The following LRIT1 variants were observed in gnomAD, a reference collection of about 807,000 sequenced individuals.
LRIT1 encodes the protein leucine-rich repeat, immunoglobulin-like domain and transmembrane domain-containing protein 1.
In LRIT1, 23 loss-of-function variants were observed where a neutral mutation model predicts 24.0. That is an observed-to-expected ratio of 0.96 (90% CI 0.69 to 1.36). The LOEUF (loss-of-function observed/expected upper bound fraction) is 1.36. LRIT1 is among the 40% of genes most tolerant of loss of function. LRIT1 has a pLI of 0.00. For missense variants in LRIT1, 846 were observed against 806.3 expected (o/e 1.05, Z -0.60); for synonymous variants, 361 against 340.5 (o/e 1.06, Z -0.66).
chr10:84,234,216 C>A lies in LRIT1; in HGVS notation c.752G>T (p.Cys251Phe). ...TCCTGGATGGAGCTCTGGGCCCTGG[C>A]ACTTCCTCAGTTCAAGCTGGCTGAA... ...VAFSQLELRK[C>F]QGPELHPGVA... The change falls in exon 3 of 4, where the codon TGC becomes TTC. Residue 251 changes from cysteine (C) to phenylalanine (F), a missense_variant. Transcript: ENST00000372105. The A allele has an allele frequency of 6.2e-7, 1 of 1,614,064 alleles. No individual in the cohort carries two copies. The highest frequency in any genetic ancestry group is 8.5e-7 in the Non-Finnish European group (1 of 1,180,018).
rs1207984675 is a variant in LRIT1, at chr10:84,241,049, G to A, written c.122+269C>T. On this transcript the variant is annotated intron_variant, in intron 1 of 3. Transcript: ENST00000372105. ...AGGGCTCTTCACCAGGAGCCTGGAG[G>A]AGGACTTAGGAAGGACTTCTTAGAA... Among the ~76,000 whole-genome samples the A allele has an allele frequency of 2.0e-5, 3 of 152,142 alleles. No individual in the cohort carries two copies. In the East Asian group the frequency reaches 5.8e-4, roughly 29 times the overall value.
rs748916426 is a variant in LRIT1 at position 84,232,461 on chromosome 10, C to A, written c.1338G>T (p.Leu446Phe). The change falls in exon 4 of 4, where the codon TTG (leucine) becomes TTT (phenylalanine). Residue 446 changes from leucine to phenylalanine, a missense_variant. Physicochemically the swap from Leu to Phe is conservative, Grantham distance 22. Transcript: ENST00000372105. ...TCTTAGCCTGGGGTGCCTTCCACAC[C>A]AAGGACACGCTGTGGTAAGTGTCCC... is the stretch of plus-strand genomic sequence containing the variant. ...VVGDTYHSVS[L>F]VWKAPQAKNT... The A allele has an allele frequency of 1.2e-6, 2 of 1,614,172 alleles. No homozygotes were observed. Among genetic ancestry groups the A allele is most frequent in the South Asian group, 2.2e-5 (2 of 91,084 alleles).
chr10:84,236,267 T>G (rs1486062210), intron 2 of LRIT1, among the ~76,000 whole-genome samples: 3 of 150,348 alleles, frequency 2.0e-5, no homozygotes, highest in Non-Finnish European at 3.0e-5. Context: ...CTGGACTCCA[T>G]CCTGGGCGAC....
Position 84,232,580 on chromosome 10 carries a change from G to C in LRIT1, c.1219C>G (p.Leu407Val). 4 of 1,614,124 alleles carry C rather than the reference G, an allele frequency of 2.5e-6. No homozygotes were observed. Among genetic ancestry groups the C allele is most frequent in the Non-Finnish European group, 2.5e-6 (3 of 1,179,986 alleles). ...AGGGCATCCATCTGGAAGTGCTCAA[G>C]GGTCAGCTCCTCCTTTGTGCTGGGC... Reference protein sequence around the residue: ...SVPSTKEELTLEHFQMDALGE... With the variant: ...SVPSTKEELTVEHFQMDALGE... The change falls in exon 4 of 4, where the codon CTT (leucine) becomes GTT (valine). Residue 407 changes from leucine to valine, a missense_variant. Transcript: ENST00000372105.
At chr10:84,238,066 T>C (rs184115667) in intron 1 of LRIT1, among the ~76,000 whole-genome samples, 1 of 152,184 alleles carries the variant, frequency 6.6e-6, no homozygotes, top group Non-Finnish European at 1.5e-5. Flanking sequence ...TTAGAAGTGT[T>C]CGTTTGGCCG....
chr10:84,238,470 C>G (rs1842670106), intron 1 of LRIT1, among the ~76,000 whole-genome samples: 1 of 152,192 alleles, frequency 6.6e-6, no homozygotes, highest in Non-Finnish European at 1.5e-5. Flanking sequence ...CCTCAAGTCT[C>G]TCCCACCTCT....
At position 84,234,070 on chromosome 10, in the gene LRIT1, T is replaced by A. The variant is rs1014801483; in HGVS notation, c.895+3A>T. On this transcript the variant is annotated splice_donor_region_variant and intron_variant, in intron 3 of 3. Coordinates refer to ENST00000372105, the MANE Select transcript of LRIT1 (RefSeq NM_015613.3). ...CAGTGCAGCATCCCTGTAGCTCACA[T>A]ACCTGTACCATTAAGGGGCCTGCCA... is the stretch of plus-strand genomic sequence containing the variant. The A allele has an allele frequency of 6.5e-7, 1 of 1,527,054 alleles. No individual in the cohort carries two copies. Among genetic ancestry groups the A allele is most frequent in the Non-Finnish European group, 8.8e-7 (1 of 1,139,506 alleles). The allele number at this position is 1,527,054 out of a possible 1,614,324, so 94.6% of individuals were successfully genotyped here.
At chr10:84,238,402 A>T (rs1213332149) in intron 1 of LRIT1, among the ~76,000 whole-genome samples, 1 of 152,074 alleles carries the variant, frequency 6.6e-6, no homozygotes, top group Non-Finnish European at 1.5e-5. Flanking sequence ...CAATTTTTGT[A>T]ACTGTTTTGG....
rs774320932 is a variant in LRIT1 at position 84,232,384 on chromosome 10, C to T, written c.1415G>A (p.Arg472Gln). 82 of 1,613,852 alleles carry T rather than the reference C, an allele frequency of 5.1e-5. No individual in the cohort carries two copies. Among genetic ancestry groups the T allele is most frequent in the Non-Finnish European group, 6.4e-5 (76 of 1,179,966 alleles). ...LYAVFGQHSM[R>Q]RVIVQPGKTR... ...CTTCCCAGGCTGCACAATCACCCGCCGCATGCTGTGCTGCCCAAAGACCGC... is the reference window on the plus strand; with the variant it reads ...CTTCCCAGGCTGCACAATCACCCGCTGCATGCTGTGCTGCCCAAAGACCGC... Residue 472 changes from arginine to glutamine, a missense_variant, in exon 4 of 4, where the codon CGG becomes CAG. Coordinates refer to ENST00000372105, the MANE Select transcript of LRIT1 (RefSeq NM_015613.3).
chr10:84,237,815 A>T lies in LRIT1; in HGVS notation c.123-129T>A, dbSNP rs1226915735. On this transcript the variant is annotated intron_variant, in intron 1 of 3. Coordinates refer to ENST00000372105, the MANE Select transcript of LRIT1 (RefSeq NM_015613.3). ...GGACACCCACACCAGAGTCCAAGCC[A>T]TGACGGGGACCTGGAGAGGGGCCCG... 5.7e-6 allele frequency: 4 copies of T among 706,760 alleles called. No homozygotes were observed. The Admixed American group carries it at 8.9e-5, about 16-fold the overall frequency. The allele number at this position is 706,760 out of a possible 1,614,324, so 43.8% of individuals were successfully genotyped here. A position where few individuals can be genotyped will look rare whatever the true frequency, so the allele number is the denominator to read the frequency against.
In LRIT1 at chr10:84,234,091, T is replaced by G; in HGVS notation, c.877A>C (p.Arg293=). 3.2e-6 allele frequency: 5 copies of G among 1,557,322 alleles called. No individual in the cohort carries two copies. Among genetic ancestry groups the G allele is most frequent in the Non-Finnish European group, 4.3e-6 (5 of 1,151,558 alleles). ...CACATACCTGTACCATTAAGGGGCC[T>G]GCCATTGGCCCTCCTCCAGCTCATC... ...PEMSWRRANG[R]PLNGTVHQEV... Residue 293 remains arginine, a synonymous_variant, in exon 3 of 4, where the codon AGG becomes CGG. Transcript: ENST00000372105.
Position 84,234,373 on chromosome 10 carries a change from G to A in LRIT1, c.595C>T (p.Gln199Ter), listed in dbSNP as rs1842631405. 2 of 1,541,364 alleles carry A rather than the reference G, an allele frequency of 1.3e-6. No individual in the cohort carries two copies. The highest frequency in any genetic ancestry group is 2.8e-5 in the African/African-American group (2 of 72,606). The change falls in exon 3 of 4, where the codon CAG (glutamine) becomes TAG (stop). Residue 199 changes from glutamine (Q) to a stop codon, truncating the protein, a stop_gained. Transcript: ENST00000372105. LOFTEE classifies it high-confidence loss of function. ...GHHPRRVLGL[Q>*]DNPWACDCRL... ...CAGTCACATGCCCAGGGGTTGTCCT[G>A]TAGCCCTGCAGGAGTAAAAAAGAAG...
chr10:84,237,647 C>T lies in LRIT1; in HGVS notation c.162G>A (p.Pro54=). 2 of 1,605,142 alleles carry T rather than the reference C, an allele frequency of 1.2e-6. No individual in the cohort carries two copies. The highest frequency in any genetic ancestry group is 2.2e-5 in the East Asian group (1 of 44,788). The change falls in exon 2 of 4, where the codon CCG becomes CCA. Residue 54 remains proline, a synonymous_variant. Transcript: ENST00000372105. Reference sequence around the variant, plus strand: ...TGGAGGTGTCCGGGGGGATGGACGCCGGGGGCAGGGTCATGTCGGGGTCGT... The same window carrying T: ...TGGAGGTGTCCGGGGGGATGGACGCTGGGGGCAGGGTCATGTCGGGGTCGT... The part of the protein sequence containing the change: ...VCNDPDMTLP[P]ASIPPDTSRL...
chr10:84,232,483 TC>T lies in LRIT1; in HGVS notation c.1315del (p.Asp439ThrfsTer36), dbSNP rs1163223977. On this transcript the variant is annotated frameshift_variant, in exon 4 of 4. Transcript: ENST00000372105. LOFTEE classifies it low-confidence loss of function (END_TRUNC). ...RMVRSVKVVG[D>X]TYHSVSLVWK... ...CACCAAGGACACGCTGTGGTAAGTG[TC>T]CCCCACCACCTTCACAGACCTCACC... is the stretch of plus-strand genomic sequence containing the variant. The T allele has an allele frequency of 1.2e-6, 2 of 1,613,974 alleles. No homozygotes were observed. The highest frequency in any genetic ancestry group is 1.6e-4 in the Middle Eastern group (1 of 6,062).
intron 2 of LRIT1, among the ~76,000 whole-genome samples, chr10:84,234,671 T>C (rs1228496931): frequency 1.3e-5 from 2 of 152,216 alleles, no homozygotes; most frequent in Non-Finnish European, 2.9e-5. Flanking sequence ...CTGTTGCCAT[T>C]CTTGGACTGA....
In LRIT1 at chr10:84,231,913, C is replaced by T. The variant is rs576722020; in HGVS notation, c.*14G>A. ...CGTGGGCAGGCAGGTGTGTGAGTTG[C>T]GGAGGCATATCCCTCAGCAGAAGTA... On this transcript the variant is annotated 3_prime_UTR_variant, in exon 4 of 4. Coordinates refer to ENST00000372105, the MANE Select transcript of LRIT1 (RefSeq NM_015613.3). 3.0e-5 allele frequency: 48 copies of T among 1,585,926 alleles called. No individual in the cohort carries two copies. Among genetic ancestry groups the T allele is most frequent in the Admixed American group, 1.9e-4 (11 of 59,034 alleles).
chr10:84,233,635 T>C (rs1323672233), intron 3 of LRIT1, among the ~76,000 whole-genome samples: 2 of 152,364 alleles, frequency 1.3e-5, no homozygotes, highest in African/African-American at 4.8e-5. Context: ...AAGTTCAATG[T>C]CATTATGTGC....
rs566040543 is a variant in LRIT1 at position 84,232,518 on chromosome 10, C to T, written c.1281G>A (p.Glu427=). The change falls in exon 4 of 4, where the codon GAG becomes GAA. Residue 427 remains glutamate (E), a synonymous_variant. Transcript: ENST00000372105. ...ELSDGRAGPS[E]ARMVRSVKVV... The stretch of plus-strand genomic sequence containing the variant: ...CCTTCACAGACCTCACCATTCGTGC[C>T]TCTGAGGGTCCTGCCCGCCCATCAG... 1 of 1,614,204 alleles carries T rather than the reference C, an allele frequency of 6.2e-7. No homozygotes were observed. The highest frequency in any genetic ancestry group is 1.1e-5 in the South Asian group (1 of 91,084).
chr10:84,232,294 C>T lies in LRIT1; in HGVS notation c.1505G>A (p.Gly502Asp). The T allele has an allele frequency of 1.2e-6, 2 of 1,614,058 alleles. No individual in the cohort carries two copies. The highest frequency in any genetic ancestry group is 1.7e-6 in the Non-Finnish European group (2 of 1,179,996). The change falls in exon 4 of 4, where the codon GGC (glycine) becomes GAC (aspartate). Residue 502 changes from glycine to aspartate, a missense_variant. Gly to Asp is a moderately conservative substitution (Grantham distance 94, BLOSUM62 -1). Coordinates refer to ENST00000372105, the MANE Select transcript of LRIT1 (RefSeq NM_015613.3). Reference sequence around the variant, plus strand: ...ACACTGCTCCTTCCGGGGCACCAGGCCCTGCACACAGACACACGCCACATA... The same window carrying T: ...ACACTGCTCCTTCCGGGGCACCAGGTCCTGCACACAGACACACGCCACATA... The part of the protein sequence containing the change: ...TKYVACVCVQ[G>D]LVPRKEQCVI...
Sources: allele counts gnomAD v4.1 joint callset (sites outside exome capture counted in the v4.1 genomes callset), GRCh38; gene constraint gnomAD v4.1.1; transcripts MANE v1.5; gene names NCBI Gene and HGNC (gene_info 2026-07-23, HGNC 2026-07-21).